Variants in CTNNA3 observed in about 807,000 individuals in gnomAD.
CTNNA3 encodes catenin alpha 3.
Under a neutral mutation model 95.7 loss-of-function variants are expected in CTNNA3, and 76 were observed. The ratio of observed to expected loss-of-function variants is 0.79; its 90% CI spans 0.66 to 0.96. CTNNA3 has a LOEUF of 0.96. Ranked by LOEUF, CTNNA3 falls within the 40% of genes least tolerant of loss-of-function variation. The pLI is 0.00. For synonymous variants in CTNNA3, 431 were observed against 374.4 expected (o/e 1.15, Z -1.74); for missense variants, 1,191 against 1,089.8 (o/e 1.09, Z -1.31).
chr10:65,954,239 T>C (rs2077684216), intron 17 of CTNNA3, among the ~76,000 whole-genome samples: 1 of 152,208 alleles, frequency 6.6e-6, no homozygotes, highest in Non-Finnish European at 1.5e-5. Flanking sequence ...GGCTGTTTGA[T>C]TTTTTCTTGT....
rs1435685071 is a variant in CTNNA3 at position 66,563,587 on chromosome 10, G to C, written c.1375-42814C>G. Among the ~76,000 whole-genome samples, 3 of 152,154 alleles carry C rather than the reference G, an allele frequency of 2.0e-5. No homozygotes were observed. The East Asian group carries it at 5.8e-4, about 30-fold the overall frequency. On this transcript the variant is annotated intron_variant, in intron 10 of 17. Transcript: ENST00000433211. ...CAAAATCACTAAACCAAAGAGAAAA[G>C]TCAAGCTGGGAACCATGTTGGGCAA...
chr10:66,780,952 G>A (rs1840511060), intron 7 of CTNNA3, among the ~76,000 whole-genome samples: 1 of 152,116 alleles, frequency 6.6e-6, no homozygotes, highest in Non-Finnish European at 1.5e-5. Flanking sequence ...AGAATAATAT[G>A]TTACTTTTAT....
At chr10:66,122,633 A>T (rs2082632155) in intron 13 of CTNNA3, among the ~76,000 whole-genome samples, 1 of 152,252 alleles carries the variant, frequency 6.6e-6, no homozygotes, top group South Asian at 2.1e-4. Context: ...AACCATGTGT[A>T]AACCATTTTC....
intron 1 of CTNNA3, among the ~76,000 whole-genome samples, chr10:67,749,852 C>A (rs982386733): frequency 1.3e-5 from 2 of 151,774 alleles, no homozygotes. Flanking sequence ...AAAAACCCTT[C>A]AAAAAAAATC....
At chr10:66,030,930 T>C (rs1238696681) in intron 15 of CTNNA3, among the ~76,000 whole-genome samples, 3 of 151,518 alleles carry the variant, frequency 2.0e-5, no homozygotes, top group Admixed American at 6.6e-5. Flanking sequence ...AGCAAAAACA[T>C]ACATATGAAA....
chr10:67,477,416 A>G (rs1289229266), intron 5 of CTNNA3, among the ~76,000 whole-genome samples: 2 of 152,136 alleles, frequency 1.3e-5, no homozygotes, highest in African/African-American at 4.8e-5. Flanking sequence ...CACTGCCTGA[A>G]GCAACAGAGA....
At chr10:66,649,510 C>T (rs1452817103) in intron 9 of CTNNA3, among the ~76,000 whole-genome samples, 4 of 152,154 alleles carry the variant, frequency 2.6e-5, no homozygotes, top group Non-Finnish European at 4.4e-5. Context: ...CCAACCCTTA[C>T]GGGAAGGAAA....
At chr10:66,722,579 C>G (rs992036816) in intron 9 of CTNNA3, among the ~76,000 whole-genome samples, 1 of 142,490 alleles carries the variant, frequency 7.0e-6, no homozygotes, top group Non-Finnish European at 1.5e-5. Flanking sequence ...CTCCCCCCAC[C>G]CCACCACACA....
At chr10:66,832,519 T>G (rs924970717) in intron 7 of CTNNA3, among the ~76,000 whole-genome samples, 1 of 152,114 alleles carries the variant, frequency 6.6e-6, no homozygotes, top group African/African-American at 2.4e-5. Flanking sequence ...AAAATTAAAT[T>G]AATGCCACAA....
intron 15 of CTNNA3, among the ~76,000 whole-genome samples, chr10:66,031,264 C>T (rs1003689633): frequency 2.0e-5 from 3 of 152,072 alleles, no homozygotes; most frequent in Admixed American, 6.6e-5. Flanking sequence ...ATATGTTCAT[C>T]GCAGCACTAT....
chr10:67,350,957 G>A (rs997326542), intron 5 of CTNNA3, among the ~76,000 whole-genome samples: 34 of 148,908 alleles, frequency 2.3e-4, no homozygotes, highest in Non-Finnish European at 2.2e-4. Flanking sequence ...ACCAAAAGCT[G>A]TAAATAACCT....
intron 11 of CTNNA3, among the ~76,000 whole-genome samples, chr10:66,490,039 AG>A (rs1327677864): frequency 6.6e-6 from 1 of 152,130 alleles, no homozygotes; most frequent in East Asian, 1.9e-4. Context: ...GTTTCTATCG[AG>A]TGGGAATTAG....
chr10:67,033,258 T>C (rs571988219), intron 7 of CTNNA3, among the ~76,000 whole-genome samples: 12 of 152,304 alleles, frequency 7.9e-5, no homozygotes, highest in South Asian at 4.1e-4. Context: ...CAAAGTGTTA[T>C]GTGAGGGTGC....
At chr10:65,987,742 T>C (rs529292358) in intron 16 of CTNNA3, among the ~76,000 whole-genome samples, 1 of 152,260 alleles carries the variant, frequency 6.6e-6, no homozygotes, top group African/African-American at 2.4e-5. Flanking sequence ...CTATGCTTAC[T>C]GCAGCACTGT....
chr10:66,538,889 TA>T (rs1418606419), intron 10 of CTNNA3, among the ~76,000 whole-genome samples: 1 of 152,172 alleles, frequency 6.6e-6, no homozygotes, highest in Non-Finnish European at 1.5e-5. Flanking sequence ...ATGGTGTTTT[TA>T]AAAAATTTTC....
At chr10:67,034,621 T>C (rs1853930442) in intron 7 of CTNNA3, among the ~76,000 whole-genome samples, 1 of 152,204 alleles carries the variant, frequency 6.6e-6, no homozygotes, top group Non-Finnish European at 1.5e-5. Flanking sequence ...AACCTACAAA[T>C]AAATTACAAG....
At chr10:66,259,263 G>A (rs1354266545) in intron 13 of CTNNA3, among the ~76,000 whole-genome samples, 1 of 152,038 alleles carries the variant, frequency 6.6e-6, no homozygotes, top group Non-Finnish European at 1.5e-5. Flanking sequence ...CATGACAACA[G>A]AGAGAAAAGG....
chr10:66,782,897 G>A (rs1840596460), intron 7 of CTNNA3, among the ~76,000 whole-genome samples: 3 of 152,116 alleles, frequency 2.0e-5, no homozygotes, highest in South Asian at 4.1e-4. Flanking sequence ...AATCTAACCT[G>A]TGAATCAGAA....
At chr10:66,147,286 C>CT (rs1337332105) in intron 13 of CTNNA3, among the ~76,000 whole-genome samples, 4 of 151,982 alleles carry the variant, frequency 2.6e-5, no homozygotes, top group African/African-American at 7.2e-5. Context: ...CAATATTCTT[C>CT]TTTTTTAAAA....
Sources: gnomAD v4.1 joint callset for allele counts (sites outside exome capture counted in the v4.1 genomes callset) on GRCh38, gnomAD v4.1.1 for gene constraint, MANE v1.5 for transcripts, NCBI Gene and HGNC (gene_info 2026-07-23, HGNC 2026-07-21) for gene names.